NOS1: variants seen among roughly 807,000 people sequenced by gnomAD.
NOS1 encodes the protein NOS type I.
In NOS1, 51 loss-of-function variants were observed where a neutral mutation model predicts 164.5. That is an observed-to-expected ratio of 0.31 (90% confidence interval 0.25 to 0.39). The LOEUF (loss-of-function observed/expected upper bound fraction) is 0.39, where lower values mean the gene tolerates loss of function less well. Among genes scored for constraint, NOS1 ranks in the 10% least tolerant of loss-of-function variants. NOS1 has a pLI of 1.00. For missense variants in NOS1, 1,362 were observed against 1,885.6 expected (o/e 0.72, Z 5.14); for synonymous variants, 719 against 745.8 (o/e 0.96, Z 0.59).
intron 27 of NOS1, 70 bp from the exon 28 acceptor site, chr12:117,218,234 G>A: frequency 9.2e-7 from 1 of 1,090,532 alleles, no homozygotes; most frequent in Non-Finnish European, 1.4e-6. Flanking sequence ...GGGCAGACTT[G>A]CCTGACACCT....
Position 117,243,179 on chromosome 12 carries a change from G to A in NOS1, c.2962+118C>T. The stretch of plus-strand genomic sequence containing the variant: ...GCAAAGTATTCATTTTGGTAGGACT[G>A]CACTAAAGGGAGATCAAAGCAATGA... On this transcript the variant is annotated intron_variant, in intron 19 of 28. Coordinates refer to ENST00000317775, the MANE Select transcript of NOS1 (RefSeq NM_000620.5). The surrounding 1 kb of genome is among the most constrained non-coding windows in gnomAD (Gnocchi z 4.3). 1 of 1,228,314 alleles carries A rather than the reference G, an allele frequency of 8.1e-7. No individual in the cohort carries two copies. Among genetic ancestry groups the A allele is most frequent in the African/African-American group, 1.5e-5 (1 of 66,608 alleles). 76.1% of individuals were successfully genotyped at this position (1,228,314 alleles called of 1,614,324 possible).
In NOS1 at chr12:117,330,683, G is replaced by T. The variant is rs1050514291; in HGVS notation, c.387C>A (p.Pro129=). Residue 129 remains proline (P), a synonymous_variant, in exon 2 of 29, where the codon CCC becomes CCA. Transcript: ENST00000317775. This position sits in a 1 kb window ranked among gnomAD's most constrained non-coding sequence, Gnocchi z 4.6. ...GGTGGGACAGATCCACGGCTTTGGT[G>T]GGGGGACCCAGGGGCTGTGTCACCC... ...TIRVTQPLGP[P]TKAVDLSHQP... The T allele has an allele frequency of 6.2e-7, 1 of 1,613,436 alleles. No individual in the cohort carries two copies. The highest frequency in any genetic ancestry group is 8.5e-7 in the Non-Finnish European group (1 of 1,179,686).
At chr12:117,318,068 A>T (rs1185602926) in intron 2 of NOS1, among the ~76,000 whole-genome samples, 1 of 152,154 alleles carries the variant, frequency 6.6e-6, no homozygotes, top group East Asian at 1.9e-4. Context: ...ACTACTGGGG[A>T]GGCTGAGGCA....
chr12:117,319,344 C>T (rs2136062722), intron 2 of NOS1, among the ~76,000 whole-genome samples: 2 of 152,342 alleles, frequency 1.3e-5, no homozygotes, highest in African/African-American at 4.8e-5. Context: ...AGCCCCCACA[C>T]CTGGCCAAAA....
chr12:117,254,818 T>G (rs1036950943), intron 16 of NOS1, among the ~76,000 whole-genome samples: 1 of 152,140 alleles, frequency 6.6e-6, no homozygotes, highest in Non-Finnish European at 1.5e-5. Context: ...CATTTACATC[T>G]CTCTAGAAAG....
intron 3 of NOS1, among the ~76,000 whole-genome samples, chr12:117,307,191 T>C (rs546266842): frequency 3.9e-5 from 6 of 152,134 alleles, no homozygotes; most frequent in Non-Finnish European, 8.8e-5. Flanking sequence ...AACCGAGATC[T>C]CAAGGATTAC....
rs148373123 is a variant in NOS1 at position 117,342,857 on chromosome 12, G to C, written c.-420-11368C>G. 5.2e-4 allele frequency among the ~76,000 whole-genome samples: 79 copies of C among 152,232 alleles called. 1 individual carries two copies. The East Asian group carries it at 0.014, about 26-fold the overall frequency. On this transcript the variant is annotated intron_variant, in intron 1 of 28. Transcript: ENST00000317775. ...TGGTTAAGGATCAGGTGGTGAAAGG[G>C]AGGAAGGAAGGAAGTGGGTCGATTT...
At chr12:117,333,317 C>T (rs1413818439) in intron 1 of NOS1, among the ~76,000 whole-genome samples, 1 of 152,206 alleles carries the variant, frequency 6.6e-6, no homozygotes, top group East Asian at 1.9e-4. Flanking sequence ...AAAGCCCCTT[C>T]CTGCCAGCAA....
intron 22 of NOS1, among the ~76,000 whole-genome samples, chr12:117,228,983 G>A (rs776291646): frequency 2.0e-5 from 3 of 152,030 alleles, no homozygotes; most frequent in Non-Finnish European, 4.4e-5. Flanking sequence ...GGGTTTCACC[G>A]TGTTAGCCAG....
intron 9 of NOS1, 99 bp downstream of exon 9, chr12:117,277,860 G>C: frequency 1.4e-6 from 2 of 1,388,586 alleles, no homozygotes; most frequent in South Asian, 2.9e-5. Flanking sequence ...TTCAGCTTCG[G>C]TCTGGACTAG....
At chr12:117,268,449 C>T (rs1334958010) in intron 10 of NOS1, among the ~76,000 whole-genome samples, 2 of 152,084 alleles carry the variant, frequency 1.3e-5, no homozygotes, top group Non-Finnish European at 2.9e-5. Flanking sequence ...CCAGACTGGT[C>T]TCAAACTCCT....
rs1443727376 is a variant in NOS1, at chr12:117,208,773, A to G, written c.*6536T>C. The G allele has an allele frequency of 1.0e-6, 1 of 977,458 alleles. No homozygotes were observed. Among genetic ancestry groups the G allele is most frequent in the African/African-American group, 1.9e-5 (1 of 52,462 alleles). 60.5% of individuals were successfully genotyped at this position (977,458 alleles called of 1,614,324 possible). On this transcript the variant is annotated 3_prime_UTR_variant, in exon 29 of 29. Transcript: ENST00000317775. ...GGGTCTCATTCTGTCAACAAGCTGG[A>G]GTGCAGTGGTGCCATCTCGGCTCAC...
chr12:117,235,957 C>A (rs925010054), intron 20 of NOS1, among the ~76,000 whole-genome samples: 1 of 152,142 alleles, frequency 6.6e-6, no homozygotes, highest in Admixed American at 6.5e-5. Context: ...GCGGGAGAAT[C>A]GCTTGAACCC....
At chr12:117,301,982 T>A (rs1223692257) in intron 3 of NOS1, 1 of 456,710 alleles carries the variant, frequency 2.2e-6, no homozygotes, top group Non-Finnish European at 4.4e-6. Context: ...CAGGGCTCCA[T>A]GGCCTGGGTT....
At chr12:117,334,293 T>C (rs1169127791) in intron 1 of NOS1, among the ~76,000 whole-genome samples, 1 of 151,848 alleles carries the variant, frequency 6.6e-6, no homozygotes, top group South Asian at 2.1e-4. Flanking sequence ...TTGGAAGGAG[T>C]TGGAAGGAAG....
At chr12:117,322,810 C>T (rs1359389800) in intron 2 of NOS1, among the ~76,000 whole-genome samples, 1 of 145,962 alleles carries the variant, frequency 6.9e-6, no homozygotes, top group Admixed American at 6.8e-5. Context: ...TCCTTCCCTC[C>T]CTTCCTCCTT....
In NOS1 at chr12:117,234,817, T is replaced by C. The variant is rs993968448; in HGVS notation, c.3042-59A>G. ...GGCCAGCAGCTACTTCCTCCTTTTT[T>C]TGCTCTTCTGTCTGTCCTTGTTGGC... On this transcript the variant is annotated intron_variant, in intron 20 of 28. Coordinates refer to ENST00000317775, the MANE Select transcript of NOS1 (RefSeq NM_000620.5). This position sits in a 1 kb window ranked among gnomAD's most constrained non-coding sequence, Gnocchi z 4.3. The C allele has an allele frequency of 1.4e-5, 21 of 1,462,374 alleles. No individual in the cohort carries two copies. The African/African-American group carries it at 2.7e-4, about 19-fold the overall frequency. The allele number at this position is 1,462,374 out of a possible 1,614,324, so 90.6% of individuals were successfully genotyped here.
intron 15 of NOS1, among the ~76,000 whole-genome samples, 187 bp downstream of exon 15, chr12:117,258,839 C>T (rs1023079975): frequency 2.6e-5 from 4 of 152,176 alleles, no homozygotes; most frequent in Non-Finnish European, 5.9e-5. Context: ...AACTAATGGA[C>T]GCCAGTAGAC....
intron 1 of NOS1, among the ~76,000 whole-genome samples, chr12:117,360,304 G>A (rs117506057): frequency 0.027 from 4,055 of 152,156 alleles, 80 homozygotes; most frequent in Non-Finnish European, 0.038. Context: ...GCGCAGTCCC[G>A]AGAGAGCCCC....
Sources: allele counts gnomAD v4.1 joint callset (sites outside exome capture counted in the v4.1 genomes callset), GRCh38; gene constraint gnomAD v4.1.1; non-coding constraint Gnocchi (gnomAD v3.1); transcripts MANE v1.5; gene names NCBI Gene and HGNC (gene_info 2026-07-23, HGNC 2026-07-21).